Variants in BABAM1 observed in about 807,000 individuals in gnomAD.
BABAM1 encodes the protein BRISC and BRCA1-A complex member 1.
A neutral mutation model predicts 34.4 loss-of-function variants in BABAM1; 14 were observed. That is an observed-to-expected ratio of 0.41 (90% CI 0.27 to 0.64). BABAM1 has a LOEUF of 0.64. Ranked by LOEUF, BABAM1 falls within the 30% of genes least tolerant of loss-of-function variation. The pLI is 0.34. For missense variants in BABAM1, 393 were observed against 434.0 expected (o/e 0.91, Z 0.84); for synonymous variants, 169 against 165.8 (o/e 1.02, Z -0.15).
At chr19:17,268,499 C>CGGCTCACCGCA (rs1279115468) in intron 1 of BABAM1, 232 of 207,874 alleles carry the variant, frequency 1.1e-3, no homozygotes, top group African/African-American at 5.4e-3. Flanking sequence ...GGCGGGATCT[C>CGGCTCACCGCA]GGCTCACCGC....
chr19:17,268,958 G>A lies in BABAM1; in HGVS notation c.152G>A (p.Gly51Asp). The A allele has an allele frequency of 6.3e-7, 1 of 1,574,920 alleles. No individual in the cohort carries two copies. Residue 51 changes from glycine (G) to aspartate (D), a missense_variant, in exon 2 of 9, where the codon GGT becomes GAT. Physicochemically the swap from Gly to Asp is moderately conservative, Grantham distance 94. Transcript: ENST00000598188. ...AQASVGSRSEGEGEAASADDG... is the reference protein window; with the variant it reads ...AQASVGSRSEDEGEAASADDG... ...GCCAGCGTGGGCAGCCGCAGCGAGG[G>A]TGAGGGTGAGGCCGCCAGTGCTGAT...
intron 3 of BABAM1, 90 bp downstream of exon 3, chr19:17,271,745 C>A (rs1401089560): frequency 1.4e-6 from 2 of 1,429,116 alleles, no homozygotes; most frequent in African/African-American, 1.4e-5. Context: ...GAAACTCACA[C>A]CAGCTTGGTC....
intron 8 of BABAM1, among the ~76,000 whole-genome samples, 165 bp from the exon 9 acceptor site, chr19:17,278,680 A>G (rs529519960): frequency 5.9e-5 from 9 of 152,278 alleles, no homozygotes; most frequent in African/African-American, 1.9e-4. Context: ...ATGGCGGGGA[A>G]TGTTTGCTGA....
chr19:17,278,314 C>CT (rs777700531), intron 8 of BABAM1, among the ~76,000 whole-genome samples: 4,149 of 126,592 alleles, frequency 0.033, 192 homozygotes, highest in African/African-American at 0.1. Flanking sequence ...ACTGGGGACT[C>CT]TTTTTTTTTT....
In BABAM1 at chr19:17,269,087, A is replaced by T. The variant is rs1343439196; in HGVS notation, c.281A>T (p.Lys94Ile). 3.1e-6 allele frequency: 5 copies of T among 1,602,874 alleles called. No homozygotes were observed. Among genetic ancestry groups the T allele is most frequent in the Non-Finnish European group, 4.3e-6 (5 of 1,174,268 alleles). Residue 94 changes from lysine to isoleucine, a missense_variant, in exon 2 of 9, where the codon AAA (lysine) becomes ATA (isoleucine). Physicochemically the swap from Lys to Ile is moderately radical, Grantham distance 102. Coordinates refer to ENST00000598188, the MANE Select transcript of BABAM1 (RefSeq NM_014173.4). ...ACACCAAGGGTCAACTGTCCAGAGAAAGTGGTAAGTAGAGGGGGTGGCCTG... is the reference window on the plus strand; with the variant it reads ...ACACCAAGGGTCAACTGTCCAGAGATAGTGGTAAGTAGAGGGGGTGGCCTG... ...IRTPRVNCPE[K>I]VIICLDLSEE...
At chr19:17,272,070 A>G (rs2073847549) in intron 3 of BABAM1, among the ~76,000 whole-genome samples, 1 of 151,920 alleles carries the variant, frequency 6.6e-6, no homozygotes, top group Admixed American at 6.6e-5. Flanking sequence ...CCTCCCGAGT[A>G]CCTGAGATTA....
At position 17,276,535 on chromosome 19, in the gene BABAM1, A is replaced by G; in HGVS notation, c.610A>G (p.Thr204Ala). ...TELPVTENVQ[T>A]IPPPYVVRTI... ...GCTTCCGGTCACAGAGAACGTGCAG[A>G]CGATTCCCCCGCCATATGTGGTCCG... is the stretch of plus-strand genomic sequence containing the variant. The change falls in exon 7 of 9, where the codon ACG becomes GCG. Residue 204 changes from threonine (T) to alanine (A), a missense_variant. Transcript: ENST00000598188. The G allele has an allele frequency of 6.3e-7, 1 of 1,593,730 alleles. No homozygotes were observed. The highest frequency in any genetic ancestry group is 8.5e-7 in the Non-Finnish European group (1 of 1,170,354).
At chr19:17,274,230 T>G (rs528924022) in intron 5 of BABAM1, 45 bp downstream of exon 5, 2 of 1,599,744 alleles carry the variant, frequency 1.3e-6, no homozygotes, top group South Asian at 2.2e-5. Context: ...GGCTGTCTCC[T>G]TCTGTCATCC....
chr19:17,271,989 G>A (rs2073846725), intron 3 of BABAM1, among the ~76,000 whole-genome samples: 1 of 152,142 alleles, frequency 6.6e-6, no homozygotes, highest in Non-Finnish European at 1.5e-5. Context: ...TGCCTAGGCT[G>A]GAGTGCAATG....
At chr19:17,274,065 G>C (rs375815444) in intron 4 of BABAM1, 41 bp downstream of exon 4, 47 of 1,613,656 alleles carry the variant, frequency 2.9e-5, no homozygotes, top group Non-Finnish European at 3.8e-5. Flanking sequence ...GGGTCCCCTG[G>C]GGCCCGGGGA....
At chr19:17,278,107 GA>G (rs576410700) in intron 8 of BABAM1, among the ~76,000 whole-genome samples, 171 of 152,004 alleles carry the variant, frequency 1.1e-3, no homozygotes, top group African/African-American at 3.9e-3. Flanking sequence ...CCGGGAGGCA[GA>G]GGTTGCGGTG....
chr19:17,270,040 C>A (rs1235091894), intron 2 of BABAM1, among the ~76,000 whole-genome samples: 2 of 152,096 alleles, frequency 1.3e-5, no homozygotes, highest in East Asian at 3.9e-4. Flanking sequence ...ATGCCATTCT[C>A]CTGCTTCAGC....
intron 3 of BABAM1, 105 bp from the exon 4 acceptor site, chr19:17,273,799 G>A (rs2073874969): frequency 4.3e-6 from 6 of 1,403,526 alleles, no homozygotes; most frequent in Non-Finnish European, 5.7e-6. Flanking sequence ...TCCTGACCTC[G>A]TGATCCACCT....
chr19:17,272,250 T>A (rs1408970014), intron 3 of BABAM1, among the ~76,000 whole-genome samples: 3 of 151,872 alleles, frequency 2.0e-5, no homozygotes, highest in South Asian at 2.1e-4. Flanking sequence ...AATGTATTTT[T>A]AAAAAATTAG....
In BABAM1 at chr19:17,268,640, G is replaced by C. The variant is rs182898955; in HGVS notation, c.-13-154G>C. On this transcript the variant is annotated intron_variant, in intron 1 of 8. Transcript: ENST00000598188. ...GACGGGGTTTCTCCATGTTGGTCAG[G>C]CTGGTCTCGAACTTCCAACCTCAGG... is the stretch of plus-strand genomic sequence containing the variant. 4.4e-4 allele frequency: 328 copies of C among 744,312 alleles called. 1 individual carries two copies. In the African/African-American group the frequency reaches 5.6e-3, roughly 13 times the overall value. The allele number at this position is 744,312 out of a possible 1,614,324, so 46.1% of individuals were successfully genotyped here. A position where few individuals can be genotyped will look rare whatever the true frequency, so the allele number is the denominator to read the frequency against.
At chr19:17,276,801 G>C in intron 7 of BABAM1, 22 bp from the exon 8 acceptor site, 1 of 1,593,786 alleles carries the variant, frequency 6.3e-7, no homozygotes, top group Non-Finnish European at 8.5e-7. Context: ...CCAGAGGCTG[G>C]TGTTCTTTAC....
chr19:17,271,712 A>G (rs1032055893), intron 3 of BABAM1, 57 bp downstream of exon 3: 1 of 1,557,486 alleles, frequency 6.4e-7, no homozygotes, highest in Non-Finnish European at 8.8e-7. Flanking sequence ...GGTCCAGCCC[A>G]AAAGATACGG....
At chr19:17,268,587 G>T (rs1398537851) in intron 1 of BABAM1, 3 of 483,750 alleles carry the variant, frequency 6.2e-6, no homozygotes, top group East Asian at 3.9e-5. Context: ...GCGCCACCAC[G>T]CCCGGCTAAT....
chr19:17,274,455 C>T (rs755455260), intron 5 of BABAM1: 57 of 445,980 alleles, frequency 1.3e-4, no homozygotes, highest in Middle Eastern at 6.6e-4. Context: ...ATAATCCCAG[C>T]GACTTGCGAG....
Sources: gnomAD v4.1 joint callset for allele counts (sites outside exome capture counted in the v4.1 genomes callset) on GRCh38, gnomAD v4.1.1 for gene constraint, MANE v1.5 for transcripts, NCBI Gene and HGNC (gene_info 2026-07-23, HGNC 2026-07-21) for gene names.